The following E2F3 variants were observed in gnomAD, a reference collection of about 807,000 sequenced individuals.
E2F3 encodes transcription factor E2F3.
In E2F3, 11 loss-of-function variants were observed where a neutral mutation model predicts 44.4. That is an observed-to-expected ratio of 0.25 (90% CI 0.16 to 0.41). The LOEUF (loss-of-function observed/expected upper bound fraction) is 0.41. Among genes scored for constraint, E2F3 ranks in the 10% least tolerant of loss-of-function variants. The pLI is 1.00. For synonymous variants in E2F3, 249 were observed against 253.0 expected, an observed-to-expected ratio of 0.98 and a Z score of 0.15; for missense variants, 487 against 583.6, an observed-to-expected ratio of 0.83 and a Z score of 1.70.
chr6:20,444,023 G>A (rs113901412), intron 1 of E2F3, among the ~76,000 whole-genome samples: 69 of 152,094 alleles, frequency 4.5e-4, no homozygotes, highest in African/African-American at 1.4e-3. Flanking sequence ...ACCAGTCTGG[G>A]CAACATAGTG....
chr6:20,441,638 G>A (rs1006773013), intron 1 of E2F3, among the ~76,000 whole-genome samples: 2 of 151,660 alleles, frequency 1.3e-5, no homozygotes, highest in Admixed American at 1.3e-4. Flanking sequence ...GTAGTGGCAT[G>A]ACCTTGGCTC....
chr6:20,408,334 G>A (rs1581565236), intron 1 of E2F3, among the ~76,000 whole-genome samples: 1 of 152,244 alleles, frequency 6.6e-6, no homozygotes, highest in East Asian at 1.9e-4. Flanking sequence ...TTACAGAGTG[G>A]GGATTATTAT....
At chr6:20,483,668 C>T (rs1458081573) in intron 4 of E2F3, among the ~76,000 whole-genome samples, 1 of 152,164 alleles carries the variant, frequency 6.6e-6, no homozygotes, top group Non-Finnish European at 1.5e-5. Context: ...TCACTACAGA[C>T]AAAGTAAGAG....
chr6:20,461,672 G>GT (rs1041996400), intron 1 of E2F3, among the ~76,000 whole-genome samples: 2 of 152,204 alleles, frequency 1.3e-5, no homozygotes, highest in African/African-American at 4.8e-5. Flanking sequence ...ACATTCTGAG[G>GT]TTTTTTTGTT....
At chr6:20,458,755 CT>C (rs886174549) in intron 1 of E2F3, among the ~76,000 whole-genome samples, 1 of 152,144 alleles carries the variant, frequency 6.6e-6, no homozygotes, top group Non-Finnish European at 1.5e-5. Context: ...TTTTAATATT[CT>C]GTTCCCCAGA....
At chr6:20,410,902 A>T (rs1759651442) in intron 1 of E2F3, among the ~76,000 whole-genome samples, 1 of 152,208 alleles carries the variant, frequency 6.6e-6, no homozygotes, top group African/African-American at 2.4e-5. Flanking sequence ...GATTGTAGGC[A>T]TGAGCCACTG....
chr6:20,466,828 C>CA, intron 1 of E2F3, among the ~76,000 whole-genome samples: 1 of 152,114 alleles, frequency 6.6e-6, no homozygotes, highest in South Asian at 2.1e-4. Flanking sequence ...ATTTCAGCTG[C>CA]CTGCCACCAC....
chr6:20,447,193 T>C (rs1020805644), intron 1 of E2F3, among the ~76,000 whole-genome samples: 11 of 152,298 alleles, frequency 7.2e-5, no homozygotes, highest in Admixed American at 1.3e-4. Context: ...AAGAAGAGTA[T>C]GACCAGCCAG....
rs925505788 is a variant in E2F3, at chr6:20,430,589, A to G, written c.393+27964A>G. On this transcript the variant is annotated intron_variant, in intron 1 of 6. Coordinates refer to ENST00000346618, the MANE Select transcript of E2F3 (RefSeq NM_001949.5). ...GACATTCAGAAGTACCATATTTGAC[A>G]TAACACCTCAATTCCAGAGGGGAAA... Among the ~76,000 whole-genome samples the G allele has an allele frequency of 5.3e-5, 8 of 152,350 alleles. No individual in the cohort carries two copies. The East Asian group carries it at 1.2e-3, about 22-fold the overall frequency.
chr6:20,422,036 T>C (rs1394558273), intron 1 of E2F3: 1 of 152,262 alleles, frequency 6.6e-6, no homozygotes, highest in Admixed American at 6.5e-5. Context: ...TTCTCCTCTC[T>C]AGCTATGCAA....
intron 1 of E2F3, among the ~76,000 whole-genome samples, chr6:20,473,480 G>C (rs1038924890): frequency 9.2e-5 from 14 of 152,164 alleles, no homozygotes; most frequent in Non-Finnish European, 1.9e-4. Context: ...ATGGTGCGTA[G>C]CATATTATAA....
chr6:20,404,304 CTTT>C (rs1759419251), intron 1 of E2F3, among the ~76,000 whole-genome samples: 1 of 152,150 alleles, frequency 6.6e-6, no homozygotes, highest in South Asian at 2.1e-4. Context: ...TGCGGCTTCT[CTTT>C]TTGTTGGTAC....
At chr6:20,423,772 A>G (rs1405550789) in intron 1 of E2F3, among the ~76,000 whole-genome samples, 4 of 149,538 alleles carry the variant, frequency 2.7e-5, no homozygotes, top group Admixed American at 1.3e-4. Context: ...CCCGGCCATT[A>G]CAGTGCTTTT....
intron 1 of E2F3, among the ~76,000 whole-genome samples, chr6:20,437,068 G>A (rs2127595110): frequency 6.6e-6 from 1 of 152,328 alleles, no homozygotes; most frequent in Admixed American, 6.5e-5. Context: ...TGCAGTGGTT[G>A]CAGTAAGCTG....
chr6:20,415,680 A>G (rs969429199), intron 1 of E2F3, among the ~76,000 whole-genome samples: 7 of 152,270 alleles, frequency 4.6e-5, no homozygotes, highest in Non-Finnish European at 1.0e-4. Flanking sequence ...ACATTTTAAA[A>G]GCAACGGATT....
In E2F3 at chr6:20,490,770, G is replaced by C. The variant is rs1762533753; in HGVS notation, c.*340G>C. On this transcript the variant is annotated 3_prime_UTR_variant, in exon 7 of 7. Transcript: ENST00000346618. This position sits in a 1 kb window ranked among gnomAD's most constrained non-coding sequence, Gnocchi z 4.3. Reference sequence around the variant, plus strand: ...CTCCCCGGATTGGCTTGCTGTGCCTGACGGATGGGCTGTAGAATGGGGTCT... The same window carrying C: ...CTCCCCGGATTGGCTTGCTGTGCCTCACGGATGGGCTGTAGAATGGGGTCT... 1 of 244,610 alleles carries C rather than the reference G, an allele frequency of 4.1e-6. No individual in the cohort carries two copies. Among genetic ancestry groups the C allele is most frequent in the African/African-American group, 2.2e-5 (1 of 45,514 alleles). The allele number at this position is 244,610 out of a possible 1,614,324, so 15.2% of individuals were successfully genotyped here.
intron 1 of E2F3, among the ~76,000 whole-genome samples, chr6:20,447,681 T>C (rs1211902938): frequency 5.3e-5 from 8 of 152,170 alleles, no homozygotes; most frequent in Non-Finnish European, 1.5e-5. Context: ...TCTAAGGGAA[T>C]AGGCTGTGAA....
In E2F3 at chr6:20,484,339, G is replaced by A. The variant is rs147959106; in HGVS notation, c.884+1419G>A. 3.3e-4 allele frequency among the ~76,000 whole-genome samples: 50 copies of A among 152,330 alleles called. No homozygotes were observed. The Middle Eastern group carries it at 0.01, about 31-fold the overall frequency. On this transcript the variant is annotated intron_variant, in intron 4 of 6. Coordinates refer to ENST00000346618, the MANE Select transcript of E2F3 (RefSeq NM_001949.5). Reference sequence around the variant, plus strand: ...CAGTTCACCATTCAGTTCCCAAATTGGTACAGCTTGTTCACAAATGTGTTG... The same window carrying A: ...CAGTTCACCATTCAGTTCCCAAATTAGTACAGCTTGTTCACAAATGTGTTG...
intron 1 of E2F3, among the ~76,000 whole-genome samples, chr6:20,473,272 A>C (rs1761949762): frequency 6.6e-6 from 1 of 152,236 alleles, no homozygotes; most frequent in African/African-American, 2.4e-5. Flanking sequence ...ATATTTTTAC[A>C]TGGGACTTTT....
Sources: allele counts gnomAD v4.1 joint callset (sites outside exome capture counted in the v4.1 genomes callset), GRCh38; gene constraint gnomAD v4.1.1; non-coding constraint Gnocchi (gnomAD v3.1); transcripts MANE v1.5; gene names NCBI Gene and HGNC (gene_info 2026-07-23, HGNC 2026-07-21).